AXDND1: variants seen among roughly 807,000 people sequenced by gnomAD.
AXDND1 encodes axonemal dynein light chain domain-containing protein 1.
In AXDND1, 110 loss-of-function variants were observed where a neutral mutation model predicts 137.5. The observed-to-expected ratio is 0.80, with a 90% CI of 0.69 to 0.94. The LOEUF (loss-of-function observed/expected upper bound fraction) is 0.94. Ranked by LOEUF, AXDND1 falls within the 40% of genes least tolerant of loss-of-function variation. The pLI is 0.00. For synonymous variants in AXDND1, 414 were observed against 399.7 expected, an observed-to-expected ratio of 1.04 and a Z score of -0.43; for missense variants, 1,191 against 1,169.8, an observed-to-expected ratio of 1.02 and a Z score of -0.26.
chr1:179,475,572 T>A (rs1336510005), intron 17 of AXDND1, among the ~76,000 whole-genome samples: 1 of 152,248 alleles, frequency 6.6e-6, no homozygotes, highest in East Asian at 1.9e-4. Context: ...CCATTTGAAA[T>A]GAGAGCATTT....
intron 12 of AXDND1, among the ~76,000 whole-genome samples, chr1:179,416,707 G>A (rs1325967274): frequency 6.6e-6 from 1 of 152,182 alleles, no homozygotes; most frequent in Non-Finnish European, 1.5e-5. Flanking sequence ...GATGCTTACA[G>A]CATTCTTGCC....
intron 4 of AXDND1, among the ~76,000 whole-genome samples, chr1:179,376,772 G>A (rs1326902155): frequency 6.6e-6 from 1 of 152,090 alleles, no homozygotes; most frequent in East Asian, 1.9e-4. Context: ...CCCAATGGTA[G>A]GGACTGTGTC....
At position 179,525,331 on chromosome 1, in the gene AXDND1, CA is replaced by C. The variant is rs752214715; in HGVS notation, c.2497-2del. On this transcript the variant is annotated splice_acceptor_variant, in intron 21 of 25. Coordinates refer to ENST00000367618, the MANE Select transcript of AXDND1 (RefSeq NM_144696.6). LOFTEE classifies it high-confidence loss of function. ...TTAATCATAATATTGGTTCATCTCA[CA>C]GGAGGCTGTAAAAGAATTCATTGAG... 1 of 1,607,892 alleles carries C rather than the reference CA, an allele frequency of 6.2e-7. No individual in the cohort carries two copies. Among genetic ancestry groups the C allele is most frequent in the African/African-American group, 1.3e-5 (1 of 74,586 alleles).
intron 21 of AXDND1, among the ~76,000 whole-genome samples, chr1:179,524,956 A>G (rs1670395568): frequency 6.6e-6 from 1 of 152,046 alleles, no homozygotes; most frequent in Admixed American, 6.6e-5. Flanking sequence ...TGTCCTATTG[A>G]ACTATGCTCT....
In AXDND1 at chr1:179,533,866, G is replaced by A. The variant is rs766066267; in HGVS notation, c.2787G>A (p.Gln929=). The change falls in exon 24 of 26, where the codon CAG becomes CAA. Residue 929 remains glutamine (Q), a synonymous_variant. Coordinates refer to ENST00000367618, the MANE Select transcript of AXDND1 (RefSeq NM_144696.6). ...LEAMAVIEHM[Q]EKLLEVENRA... ...CAATGGCTGTAATTGAACATATGCA[G>A]GAGAAGTTACTGTAAGTATGAGTCA... 1.2e-6 allele frequency: 2 copies of A among 1,612,724 alleles called. No homozygotes were observed. Among genetic ancestry groups the A allele is most frequent in the Non-Finnish European group, 1.7e-6 (2 of 1,179,014 alleles).
chr1:179,514,141 G>A (rs980263660), intron 21 of AXDND1, among the ~76,000 whole-genome samples: 39 of 151,840 alleles, frequency 2.6e-4, no homozygotes, highest in African/African-American at 8.5e-4. Flanking sequence ...TGTTTCTCTA[G>A]TTCCTTGAGG....
In AXDND1 at chr1:179,536,561, G is replaced by A. The variant is rs191495225; in HGVS notation, c.3031+1599G>A. On this transcript the variant is annotated intron_variant, in intron 25 of 25. Transcript: ENST00000367618. ...ATTTCGGAGGCCTCTGTTCTGTTCCGTTGGTCTATATATCTGTTTTGGTAC... is the reference window on the plus strand; with the variant it reads ...ATTTCGGAGGCCTCTGTTCTGTTCCATTGGTCTATATATCTGTTTTGGTAC... Among the ~76,000 whole-genome samples the A allele has an allele frequency of 5.3e-3, 808 of 152,160 alleles. 8 individuals carry two copies. Among genetic ancestry groups the A allele is most frequent in the African/African-American group, 0.018 (747 of 41,524 alleles).
chr1:179,444,333 A>C (rs12401957), intron 15 of AXDND1, among the ~76,000 whole-genome samples: 44,586 of 151,946 alleles, frequency 0.29, 6,758 homozygotes, highest in Non-Finnish European at 0.31. Flanking sequence ...TAAGTGGCAG[A>C]GTCAGAATTT....
intron 12 of AXDND1, among the ~76,000 whole-genome samples, chr1:179,417,682 C>T (rs1558147497): frequency 2.0e-5 from 3 of 151,766 alleles, no homozygotes; most frequent in African/African-American, 7.3e-5. Flanking sequence ...CACAGGATTG[C>T]TTTGGTTATT....
At chr1:179,432,412 C>T in intron 15 of AXDND1, 70 bp downstream of exon 15, 7 of 1,443,180 alleles carry the variant, frequency 4.9e-6, no homozygotes, top group Non-Finnish European at 6.4e-6. Flanking sequence ...GGACCTACAA[C>T]TGAGGCACAT....
chr1:179,463,314 T>G lies in AXDND1; in HGVS notation c.1799-5129T>G, dbSNP rs961254331. Among the ~76,000 whole-genome samples the G allele has an allele frequency of 3.3e-5, 5 of 152,224 alleles. No homozygotes were observed. In the South Asian group the frequency reaches 1.0e-3, roughly 31 times the overall value. On this transcript the variant is annotated intron_variant, in intron 16 of 25. Coordinates refer to ENST00000367618, the MANE Select transcript of AXDND1 (RefSeq NM_144696.6). ...AATGTGTTCCAGAGATTCTGGTATG[T>G]TGTGTCTTTGTTCTCATTGGTTTCG...
In AXDND1 at chr1:179,444,094, A is replaced by G. The variant is rs574937149; in HGVS notation, c.1564-876A>G. Among the ~76,000 whole-genome samples, 790 of 149,758 alleles carry G rather than the reference A, an allele frequency of 5.3e-3. 9 individuals are homozygous for G. The highest frequency in any genetic ancestry group is 0.019 in the African/African-American group (767 of 40,742). On this transcript the variant is annotated intron_variant, in intron 15 of 25. Transcript: ENST00000367618. ...TTACTTTTTATCTGGAGGTTTTGAC[A>G]TGCATAGAAAAAATAGAAAAAAGTC...
In AXDND1 at chr1:179,401,782, G is replaced by A. The variant is rs117551111; in HGVS notation, c.1109+6580G>A. On this transcript the variant is annotated intron_variant, in intron 11 of 25. Transcript: ENST00000367618. The stretch of plus-strand genomic sequence containing the variant: ...GGCTTTCATTCTCTCTTTGCCTGCC[G>A]CTATGTAAGAGGGGCCTTTCACCTT... Among the ~76,000 whole-genome samples, 1,278 of 152,126 alleles carry A rather than the reference G, an allele frequency of 8.4e-3. 39 individuals are homozygous for A. The highest frequency in any genetic ancestry group is 0.055 in the Admixed American group (845 of 15,274).
At chr1:179,527,905 C>T (rs1670688695) in intron 22 of AXDND1, among the ~76,000 whole-genome samples, 9 of 152,114 alleles carry the variant, frequency 5.9e-5, no homozygotes, top group Admixed American at 3.9e-4. Context: ...TTTACAAGCA[C>T]CTGTTCGGCC....
chr1:179,498,672 C>T (rs1369904452), intron 20 of AXDND1, among the ~76,000 whole-genome samples: 1 of 152,110 alleles, frequency 6.6e-6, no homozygotes, highest in Non-Finnish European at 1.5e-5. Flanking sequence ...TATTTGCAAA[C>T]TATGTGTCTG....
chr1:179,538,767 G>A (rs1671796921), intron 25 of AXDND1, among the ~76,000 whole-genome samples: 1 of 152,128 alleles, frequency 6.6e-6, no homozygotes, highest in African/African-American at 2.4e-5. Flanking sequence ...CTGTCTCATT[G>A]ATCTGTCTCA....
At chr1:179,435,749 A>AG (rs1658061773) in intron 15 of AXDND1, among the ~76,000 whole-genome samples, 1 of 152,248 alleles carries the variant, frequency 6.6e-6, no homozygotes. Flanking sequence ...AAGAAAATCT[A>AG]GGCAATACCA....
chr1:179,466,126 G>C (rs1663134350), intron 16 of AXDND1, among the ~76,000 whole-genome samples: 1 of 152,094 alleles, frequency 6.6e-6, no homozygotes, highest in African/African-American at 2.4e-5. Flanking sequence ...TGCACCCACT[G>C]TCAGACGAGC....
chr1:179,375,836 T>C (rs184664174), intron 4 of AXDND1, among the ~76,000 whole-genome samples: 3 of 152,218 alleles, frequency 2.0e-5, no homozygotes, highest in Non-Finnish European at 4.4e-5. Flanking sequence ...ATTTTTCCCC[T>C]GTACATATCC....
Sources: gnomAD v4.1 joint callset for allele counts (sites outside exome capture counted in the v4.1 genomes callset) on GRCh38, gnomAD v4.1.1 for gene constraint, MANE v1.5 for transcripts, NCBI Gene and HGNC (gene_info 2026-07-23, HGNC 2026-07-21) for gene names.